SETX: variants seen among roughly 807,000 people sequenced by gnomAD.
SETX encodes helicase senataxin.
Under a neutral mutation model 227.2 loss-of-function variants are expected in SETX, and 90 were observed. The observed-to-expected ratio is 0.40, with a 90% CI of 0.33 to 0.47. SETX has a LOEUF of 0.47. SETX is among the 20% of genes least tolerant of loss of function. The pLI is 0.91. For synonymous variants in SETX, 1,210 were observed against 1,113.2 expected, an observed-to-expected ratio of 1.09 and a Z score of -1.73; for missense variants, 3,052 against 3,181.5, an observed-to-expected ratio of 0.96 and a Z score of 0.98.
At chr9:132,274,681 G>T (rs983257509) in intron 23 of SETX, among the ~76,000 whole-genome samples, 4 of 151,872 alleles carry the variant, frequency 2.6e-5, no homozygotes, top group African/African-American at 9.7e-5. Context: ...CCTGACCTCA[G>T]GTGATCTGCC....
intron 10 of SETX, among the ~76,000 whole-genome samples, chr9:132,320,689 T>C (rs537912434): frequency 8.0e-4 from 120 of 150,864 alleles, no homozygotes; most frequent in African/African-American, 2.7e-3. Flanking sequence ...AATAAGACGG[T>C]TGAAATCGTA....
At chr9:132,342,296 C>CCT (rs1253812924) in intron 5 of SETX, among the ~76,000 whole-genome samples, 1 of 152,116 alleles carries the variant, frequency 6.6e-6, no homozygotes, top group African/African-American at 2.4e-5. Flanking sequence ...TCCCAGTCTC[C>CCT]CTCCCTACCT....
chr9:132,349,835 C>T (rs907051915), intron 2 of SETX, among the ~76,000 whole-genome samples: 2 of 152,104 alleles, frequency 1.3e-5, no homozygotes, highest in East Asian at 3.8e-4. Flanking sequence ...CTGAATGGAC[C>T]TAGCTCAGCA....
chr9:132,280,766 C>T (rs1843454657), intron 20 of SETX, among the ~76,000 whole-genome samples: 1 of 152,146 alleles, frequency 6.6e-6, no homozygotes, highest in African/African-American at 2.4e-5. Context: ...AAAACCTCTT[C>T]AGATTACTTC....
chr9:132,345,691 AT>A (rs959527237), intron 4 of SETX, among the ~76,000 whole-genome samples: 3 of 152,216 alleles, frequency 2.0e-5, no homozygotes, highest in Non-Finnish European at 4.4e-5. Context: ...TCACTGTATA[AT>A]TTACTTTTCT....
At chr9:132,315,739 T>C (rs933276542) in intron 10 of SETX, among the ~76,000 whole-genome samples, 1 of 152,208 alleles carries the variant, frequency 6.6e-6, no homozygotes. Flanking sequence ...CTTGCTGTTA[T>C]TCTTCCTTAC....
At chr9:132,315,433 CCTTT>C (rs1350010438) in intron 10 of SETX, among the ~76,000 whole-genome samples, 2 of 152,078 alleles carry the variant, frequency 1.3e-5, no homozygotes, top group Non-Finnish European at 2.9e-5. Context: ...GAGCCCTCTT[CCTTT>C]GAGGACTTAA....
At chr9:132,306,243 GT>G (rs528394852) in intron 11 of SETX, among the ~76,000 whole-genome samples, 206 of 152,206 alleles carry the variant, frequency 1.4e-3, no homozygotes, top group African/African-American at 4.8e-3. Flanking sequence ...AATTTTGGCT[GT>G]TTTTGTCACC....
rs148440901 is a variant in SETX, at chr9:132,351,814, G to A, written c.-8+1835C>T. On this transcript the variant is annotated intron_variant, in intron 2 of 25. Coordinates refer to ENST00000224140, the MANE Select transcript of SETX (RefSeq NM_015046.7). The stretch of plus-strand genomic sequence containing the variant: ...GAGGTCTATTTTGTTAGTTTCATCA[G>A]ACTGTAACGGCTTGCAATCATTAGT... 2.5e-3 allele frequency among the ~76,000 whole-genome samples: 384 copies of A among 152,280 alleles called. 3 individuals are homozygous for A. Among genetic ancestry groups the A allele is most frequent in the African/African-American group, 5.7e-3 (237 of 41,544 alleles).
At chr9:132,353,270 G>GT (rs1292897496) in intron 2 of SETX, among the ~76,000 whole-genome samples, 5 of 151,950 alleles carry the variant, frequency 3.3e-5, no homozygotes, top group Non-Finnish European at 5.9e-5. Flanking sequence ...ATGGTGACTG[G>GT]TATTCCCTGC....
chr9:132,294,839 G>GTAC (rs1844578014), intron 15 of SETX, among the ~76,000 whole-genome samples: 1 of 152,136 alleles, frequency 6.6e-6, no homozygotes, highest in African/African-American at 2.4e-5. Flanking sequence ...ACTCTCTAAG[G>GTAC]CAGAGTAGCC....
chr9:132,345,245 C>CCA (rs1848217996), intron 4 of SETX, among the ~76,000 whole-genome samples: 1 of 152,172 alleles, frequency 6.6e-6, no homozygotes, highest in Non-Finnish European at 1.5e-5. Context: ...AGAAACCCTG[C>CCA]CACAGACATA....
At chr9:132,337,472 T>C (rs1352200078) in intron 5 of SETX, among the ~76,000 whole-genome samples, 1 of 147,718 alleles carries the variant, frequency 6.8e-6, no homozygotes, top group Non-Finnish European at 1.5e-5. Context: ...ATATCAAGAG[T>C]GCATCCTTCA....
In SETX at chr9:132,286,844, C is replaced by T. The variant is rs149926667; in HGVS notation, c.6325-350G>A. Among the ~76,000 whole-genome samples, 504 of 152,338 alleles carry T rather than the reference C, an allele frequency of 3.3e-3. 4 individuals are homozygous for T. The highest frequency in any genetic ancestry group is 0.011 in the African/African-American group (472 of 41,568). On this transcript the variant is annotated intron_variant, in intron 17 of 25. Coordinates refer to ENST00000224140, the MANE Select transcript of SETX (RefSeq NM_015046.7). ...ACACAGGCCTGGCCAATCATGCACC[C>T]ATCTTCTTAAAAATAGGGATTAGAC...
chr9:132,347,137 C>T (rs1848336018), intron 3 of SETX, among the ~76,000 whole-genome samples: 2 of 151,468 alleles, frequency 1.3e-5, no homozygotes, highest in Admixed American at 6.6e-5. Flanking sequence ...GCCTGTAATC[C>T]CATATTCGGG....
At chr9:132,284,373 A>C (rs762933872) in intron 18 of SETX, among the ~76,000 whole-genome samples, 20 of 152,268 alleles carry the variant, frequency 1.3e-4, no homozygotes, top group Non-Finnish European at 1.0e-4. Flanking sequence ...TTTTAGTTTA[A>C]ATAAACTGCT....
chr9:132,350,170 T>A (rs749737143), intron 2 of SETX, among the ~76,000 whole-genome samples: 1 of 152,128 alleles, frequency 6.6e-6, no homozygotes. Context: ...CTGGCCAACA[T>A]GGTGAAACCC....
chr9:132,349,280 G>C lies in SETX; in HGVS notation c.149C>G (p.Ala50Gly), dbSNP rs746570656. 1.9e-5 allele frequency: 31 copies of C among 1,613,828 alleles called. No homozygotes were observed. Among genetic ancestry groups the C allele is most frequent in the Non-Finnish European group, 2.5e-5 (30 of 1,180,030 alleles). ...CLECVAEYHK[A>G]RDELPFLHEV... Reference sequence around the variant, plus strand: ...ATGCAAGAATGGCAATTCATCTCTTGCTTTGTGGTACTCAGCCACACACTC... The same window carrying C: ...ATGCAAGAATGGCAATTCATCTCTTCCTTTGTGGTACTCAGCCACACACTC... The change falls in exon 3 of 26, where the codon GCA (alanine) becomes GGA (glycine). Residue 50 changes from alanine to glycine, a missense_variant. By Grantham distance (60) the Ala-to-Gly change is moderately conservative. Coordinates refer to ENST00000224140, the MANE Select transcript of SETX (RefSeq NM_015046.7).
At chr9:132,321,104 G>A (rs187675010) in intron 10 of SETX, among the ~76,000 whole-genome samples, 22 of 152,210 alleles carry the variant, frequency 1.4e-4, no homozygotes, top group Admixed American at 3.9e-4. Flanking sequence ...CCTCTCCTCC[G>A]TCCCCCACTC....
Sources: gnomAD v4.1 joint callset for allele counts (sites outside exome capture counted in the v4.1 genomes callset) on GRCh38, gnomAD v4.1.1 for gene constraint, MANE v1.5 for transcripts, NCBI Gene and HGNC (gene_info 2026-07-23, HGNC 2026-07-21) for gene names.